Variants in RYR2 observed in about 807,000 individuals in gnomAD.
RYR2 encodes cardiac muscle ryanodine receptor-calcium release channel.
In RYR2, 227 loss-of-function variants were observed where a neutral mutation model predicts 601.1. The ratio of observed to expected loss-of-function variants is 0.38; its 90% CI spans 0.34 to 0.42. The LOEUF (loss-of-function observed/expected upper bound fraction) is 0.42. Among genes scored for constraint, RYR2 ranks in the 10% least tolerant of loss-of-function variants. RYR2 has a pLI of 1.00. For missense variants in RYR2, 4,646 were observed against 6,156.5 expected (o/e 0.75, Z 8.21); for synonymous variants, 2,223 against 2,175.1 (o/e 1.02, Z -0.61).
At chr1:237,063,088 A>G (rs942228643) in intron 1 of RYR2, among the ~76,000 whole-genome samples, 2 of 152,114 alleles carry the variant, frequency 1.3e-5, no homozygotes, top group African/African-American at 4.8e-5. Flanking sequence ...TAAAGCCTTC[A>G]TGAGTGCAAT....
At chr1:237,044,187 T>G (rs369662889) in intron 1 of RYR2, among the ~76,000 whole-genome samples, 1 of 4,794 alleles carries the variant, frequency 2.1e-4, no homozygotes, top group Non-Finnish European at 5.8e-4. Flanking sequence ...CTATAAGGGT[T>G]TTTTTTTTTT....
intron 77 of RYR2, among the ~76,000 whole-genome samples, chr1:237,730,978 C>T (rs1690629780): frequency 6.6e-6 from 1 of 152,122 alleles, no homozygotes; most frequent in Non-Finnish European, 1.5e-5. Context: ...ACTTGGCAGA[C>T]TAGTCAGAGG....
At chr1:237,703,609 AT>A (rs1346912552) in intron 66 of RYR2, among the ~76,000 whole-genome samples, 37 of 147,992 alleles carry the variant, frequency 2.5e-4, no homozygotes, top group African/African-American at 8.5e-4. Context: ...TAAAACATAT[AT>A]ATATATATAA....
At chr1:237,082,969 T>G (rs930437648) in intron 1 of RYR2, among the ~76,000 whole-genome samples, 1 of 152,198 alleles carries the variant, frequency 6.6e-6, no homozygotes, top group Non-Finnish European at 1.5e-5. Context: ...CCCCGACGAT[T>G]TACTTTCTGT....
At chr1:237,684,770 C>CATATAT (rs796412616) in intron 62 of RYR2, among the ~76,000 whole-genome samples, 3,730 of 35,884 alleles carry the variant, frequency 0.1, 133 homozygotes, top group African/African-American at 0.28. Context: ...ATTATCTGAA[C>CATATAT]ACATATATAT....
intron 2 of RYR2, among the ~76,000 whole-genome samples, chr1:237,320,541 A>G (rs1695527909): frequency 6.6e-6 from 1 of 152,172 alleles, no homozygotes; most frequent in Non-Finnish European, 1.5e-5. Context: ...ACCTGCTGTT[A>G]AGTCAGAGTC....
intron 63 of RYR2, among the ~76,000 whole-genome samples, chr1:237,695,655 A>G (rs1203710721): frequency 1.3e-5 from 2 of 152,306 alleles, no homozygotes; most frequent in African/African-American, 4.8e-5. Context: ...AAGAAGGACA[A>G]TATTTAAGTC....
intron 12 of RYR2, among the ~76,000 whole-genome samples, chr1:237,431,844 C>T (rs1706837955): frequency 6.6e-6 from 1 of 152,120 alleles, no homozygotes; most frequent in African/African-American, 2.4e-5. Context: ...CCAAAGTACT[C>T]TTCAGAACTT....
Position 237,649,798 on chromosome 1 carries a change from G to C in RYR2, c.7513-79G>C, listed in dbSNP as rs982522864. The C allele has an allele frequency of 9.3e-6, 11 of 1,177,362 alleles. No individual in the cohort carries two copies. The African/African-American group carries it at 1.5e-4, about 16-fold the overall frequency. 72.9% of individuals were successfully genotyped at this position (1,177,362 alleles called of 1,614,324 possible). On this transcript the variant is annotated intron_variant, in intron 49 of 104. Transcript: ENST00000366574. ...CTATCATCTTCCGGATAGTGAAATTGTATGTCCCCATGTTAATCCCTTTGA... is the reference window on the plus strand; with the variant it reads ...CTATCATCTTCCGGATAGTGAAATTCTATGTCCCCATGTTAATCCCTTTGA...
intron 91 of RYR2, among the ~76,000 whole-genome samples, chr1:237,786,725 C>T (rs559218096): frequency 2.6e-4 from 40 of 152,314 alleles, no homozygotes; most frequent in African/African-American, 8.4e-4. Context: ...GAATTTTATA[C>T]GCACATTTGA....
intron 101 of RYR2, among the ~76,000 whole-genome samples, chr1:237,827,671 G>C (rs1663276738): frequency 6.7e-6 from 1 of 149,626 alleles, no homozygotes; most frequent in Non-Finnish European, 1.5e-5. Flanking sequence ...GGGCATGGTG[G>C]CTCACGCCTG....
At chr1:237,647,705 T>A (rs1234004409) in intron 48 of RYR2, among the ~76,000 whole-genome samples, 2 of 152,216 alleles carry the variant, frequency 1.3e-5, no homozygotes, top group Non-Finnish European at 2.9e-5. Flanking sequence ...AAGAGTACAG[T>A]GTGTGGTCAG....
intron 1 of RYR2, among the ~76,000 whole-genome samples, chr1:237,075,059 G>A (rs895785905): frequency 2.0e-5 from 3 of 152,136 alleles, no homozygotes; most frequent in African/African-American, 7.2e-5. Context: ...CCCAAGCGCT[G>A]AACCCACTCT....
chr1:237,669,136 T>G (rs1217724571), intron 58 of RYR2, among the ~76,000 whole-genome samples: 1 of 139,492 alleles, frequency 7.2e-6, no homozygotes, highest in African/African-American at 2.5e-5. Context: ...GCACCGTCCT[T>G]AATCCATTTA....
intron 1 of RYR2, among the ~76,000 whole-genome samples, chr1:237,213,921 T>TC (rs1682879386): frequency 7.3e-6 from 1 of 137,506 alleles, no homozygotes; most frequent in South Asian, 2.5e-4. Flanking sequence ...TTTTCTTTTT[T>TC]TTTTTTTTTT....
At chr1:237,211,407 T>A (rs1682556775) in intron 1 of RYR2, among the ~76,000 whole-genome samples, 1 of 152,218 alleles carries the variant, frequency 6.6e-6, no homozygotes, top group Non-Finnish European at 1.5e-5. Context: ...AATTTTGCAT[T>A]TGTACTCTGA....
At chr1:237,801,164 C>T (rs1053591592) in intron 97 of RYR2, among the ~76,000 whole-genome samples, 7 of 138,226 alleles carry the variant, frequency 5.1e-5, no homozygotes, top group Admixed American at 4.3e-4. Flanking sequence ...AATGCAATTG[C>T]AAGTGCATAT....
At chr1:237,296,519 T>A (rs185770303) in intron 2 of RYR2, among the ~76,000 whole-genome samples, 2 of 152,264 alleles carry the variant, frequency 1.3e-5, no homozygotes, top group African/African-American at 4.8e-5. Flanking sequence ...ATTGTTGAGA[T>A]GAGGAAGGCA....
intron 23 of RYR2, among the ~76,000 whole-genome samples, chr1:237,510,508 C>A (rs1196182243): frequency 7.0e-6 from 1 of 142,786 alleles, no homozygotes; most frequent in Non-Finnish European, 1.5e-5. Flanking sequence ...CAAAGTTCTG[C>A]AATCAAATAA....
Sources: gnomAD v4.1 joint callset for allele counts (sites outside exome capture counted in the v4.1 genomes callset) on GRCh38, gnomAD v4.1.1 for gene constraint, MANE v1.5 for transcripts, NCBI Gene and HGNC (gene_info 2026-07-23, HGNC 2026-07-21) for gene names.